Variants in TMC1 observed in about 807,000 individuals in gnomAD.
TMC1 encodes transmembrane channel-like protein 1.
In TMC1, 84 loss-of-function variants were observed where a neutral mutation model predicts 105.8. The observed-to-expected ratio is 0.79, with a 90% confidence interval of 0.67 to 0.95. The LOEUF (loss-of-function observed/expected upper bound fraction) is 0.95. Among genes scored for constraint, TMC1 ranks in the 40% least tolerant of loss-of-function variants. The probability of loss-of-function intolerance (pLI) is 0.00; values close to 1 mark genes in which losing one functional copy is unlikely to be tolerated. For missense variants in TMC1, 817 were observed against 914.1 expected (o/e 0.89, Z 1.37); for synonymous variants, 315 against 311.5 (o/e 1.01, Z -0.12).
At chr9:72,561,384 C>T (rs1245368059) in intron 1 of TMC1, among the ~76,000 whole-genome samples, 1 of 146,462 alleles carries the variant, frequency 6.8e-6, no homozygotes, top group Non-Finnish European at 1.5e-5. Context: ...TTCTATTATT[C>T]TTCTCTGATC....
At chr9:72,596,955 T>G (rs190821896) in intron 2 of TMC1, among the ~76,000 whole-genome samples, 178 of 152,278 alleles carry the variant, frequency 1.2e-3, no homozygotes, top group African/African-American at 4.0e-3. Flanking sequence ...CCTACCTCAT[T>G]TTGTGATGGT....
intron 20 of TMC1, 42 bp from the exon 21 acceptor site, chr9:72,826,827 A>G: frequency 6.2e-7 from 1 of 1,609,016 alleles, no homozygotes; most frequent in Non-Finnish European, 8.5e-7. Flanking sequence ...GTTTTTCCAT[A>G]TGTTCTTAAT....
Position 72,826,981 on chromosome 9 carries a change from A to T in TMC1, c.2116A>T (p.Ile706Phe). Reference sequence around the variant, plus strand: ...AAACCCTGGGCTGGTCATTGCTGTCATTTTGGTGATGGTGTATGTGCTTTT... The same window carrying T: ...AAACCCTGGGCTGGTCATTGCTGTCTTTTTGGTGATGGTGTATGTGCTTTT... ...LSNPGLVIAV[I>F]LVMVLAIYYL... The change falls in exon 21 of 24, where the codon ATT becomes TTT. Residue 706 changes from isoleucine (I) to phenylalanine (F), a missense_variant. Coordinates refer to ENST00000297784, the MANE Select transcript of TMC1 (RefSeq NM_138691.3). The T allele has an allele frequency of 1.2e-6, 2 of 1,614,016 alleles. No homozygotes were observed. Among genetic ancestry groups the T allele is most frequent in the Non-Finnish European group, 1.7e-6 (2 of 1,179,920 alleles).
In TMC1 at chr9:72,627,912, A is replaced by G; in HGVS notation, c.-195-9A>G. ...ATCTGTATTGGATTTTTTTTTTTTC[A>G]TATTTTAGGATGCCAGAAGCCTCAA... is the stretch of plus-strand genomic sequence containing the variant. On this transcript the variant is annotated splice_polypyrimidine_tract_variant and intron_variant, in intron 3 of 23. Coordinates refer to ENST00000297784, the MANE Select transcript of TMC1 (RefSeq NM_138691.3). The G allele has an allele frequency of 5.3e-6, 2 of 376,738 alleles. No individual in the cohort carries two copies. The highest frequency in any genetic ancestry group is 3.8e-5 in the South Asian group (2 of 52,896). The allele number at this position is 376,738 out of a possible 1,614,324, so 23.3% of individuals were successfully genotyped here.
At chr9:72,657,619 C>T (rs1052127290) in intron 5 of TMC1, among the ~76,000 whole-genome samples, 1 of 152,042 alleles carries the variant, frequency 6.6e-6, no homozygotes, top group Non-Finnish European at 1.5e-5. Flanking sequence ...TTTTTAGTAT[C>T]TGAGTTCCAT....
chr9:72,749,482 C>T (rs571325547), intron 10 of TMC1, among the ~76,000 whole-genome samples: 1 of 152,184 alleles, frequency 6.6e-6, no homozygotes, highest in South Asian at 2.1e-4. Context: ...ATGTAGATAA[C>T]GGCCATGAAA....
intron 10 of TMC1, among the ~76,000 whole-genome samples, chr9:72,747,414 T>C (rs1172820097): frequency 6.6e-6 from 1 of 152,186 alleles, no homozygotes; most frequent in African/African-American, 2.4e-5. Context: ...CAAGAGGAAA[T>C]GATGTGTTAT....
At chr9:72,574,290 A>G (rs907319527) in intron 1 of TMC1, among the ~76,000 whole-genome samples, 2 of 152,236 alleles carry the variant, frequency 1.3e-5, no homozygotes, top group African/African-American at 2.4e-5. Flanking sequence ...AGATGGTTAA[A>G]GAACACAAAT....
intron 2 of TMC1, among the ~76,000 whole-genome samples, chr9:72,603,685 G>A (rs2132114052): frequency 6.6e-6 from 1 of 151,936 alleles, no homozygotes; most frequent in African/African-American, 2.4e-5. Context: ...GAGTAGCTGG[G>A]ATTACAGGCC....
Position 72,549,198 on chromosome 9 carries a change from GGTA to G in TMC1, c.-428+27286_-428+27288del, listed in dbSNP as rs1343280170. Among the ~76,000 whole-genome samples, 3 of 152,274 alleles carry G rather than the reference GGTA, an allele frequency of 2.0e-5. No individual in the cohort carries two copies. In the East Asian group the frequency reaches 5.8e-4, roughly 29 times the overall value. On this transcript the variant is annotated intron_variant, in intron 1 of 23. Transcript: ENST00000297784. Reference sequence around the variant, plus strand: ...TGTACACTCATGTATTCCTATCAAAGGTAATCATCAGACATTATATTTCATTAA... The same window carrying G: ...TGTACACTCATGTATTCCTATCAAAGATCATCAGACATTATATTTCATTAA...
At chr9:72,815,868 C>T (rs867630753) in intron 18 of TMC1, among the ~76,000 whole-genome samples, 2 of 152,044 alleles carry the variant, frequency 1.3e-5, no homozygotes, top group Non-Finnish European at 2.9e-5. Context: ...AAGGTTGCTA[C>T]AGTTTTTACT....
intron 1 of TMC1, among the ~76,000 whole-genome samples, chr9:72,538,397 GTATT>G: frequency 8.5e-6 from 1 of 117,390 alleles, no homozygotes; most frequent in African/African-American, 3.6e-5. Context: ...TAAAATACTT[GTATT>G]GTATTGTATT....
chr9:72,538,736 C>G (rs1823628253), intron 1 of TMC1, among the ~76,000 whole-genome samples: 1 of 152,168 alleles, frequency 6.6e-6, no homozygotes, highest in South Asian at 2.1e-4. Context: ...GCATGAGCCA[C>G]CACACCTGGA....
intron 13 of TMC1, among the ~76,000 whole-genome samples, chr9:72,779,314 G>GA (rs1157927180): frequency 1.3e-5 from 2 of 152,164 alleles, no homozygotes; most frequent in Non-Finnish European, 2.9e-5. Context: ...ACACAGATGA[G>GA]AAAAAACCAG....
intron 8 of TMC1, among the ~76,000 whole-genome samples, chr9:72,718,735 A>T (rs1010905608): frequency 6.6e-6 from 1 of 151,968 alleles, no homozygotes; most frequent in Admixed American, 6.6e-5. Context: ...AGTATAGGGG[A>T]GGATCAGGTG....
Position 72,558,041 on chromosome 9 carries a change from GGCA to G in TMC1, c.-427-19858_-427-19856del, listed in dbSNP as rs1477321374. On this transcript the variant is annotated intron_variant, in intron 1 of 23. Transcript: ENST00000297784. ...AAAGAGGCTTCCCTGGCACTGTAAGGGCAGCCAGGAATAAAATAAAAATGCTTC... is the reference window on the plus strand; with the variant it reads ...AAAGAGGCTTCCCTGGCACTGTAAGGGCCAGGAATAAAATAAAAATGCTTC... Among the ~76,000 whole-genome samples the G allele has an allele frequency of 2.6e-5, 4 of 152,042 alleles. No homozygotes were observed. In the East Asian group the frequency reaches 7.7e-4, roughly 29 times the overall value.
At chr9:72,666,235 A>G (rs1336890407) in intron 5 of TMC1, among the ~76,000 whole-genome samples, 3 of 151,904 alleles carry the variant, frequency 2.0e-5, no homozygotes, top group Non-Finnish European at 4.4e-5. Flanking sequence ...GCACTACATA[A>G]CAAGACCTTG....
chr9:72,704,951 T>A (rs1301195628), intron 8 of TMC1, among the ~76,000 whole-genome samples: 2 of 148,722 alleles, frequency 1.3e-5, no homozygotes, highest in East Asian at 2.0e-4. Context: ...GTGTAGGGAG[T>A]TGGAGGGGGG....
chr9:72,525,348 C>T (rs1564389539), intron 1 of TMC1, among the ~76,000 whole-genome samples: 2 of 152,166 alleles, frequency 1.3e-5, no homozygotes, highest in Admixed American at 1.3e-4. Flanking sequence ...TGCTCTTTGT[C>T]CTCCACAGCA....
Sources: gnomAD v4.1 joint callset for allele counts (sites outside exome capture counted in the v4.1 genomes callset) on GRCh38, gnomAD v4.1.1 for gene constraint, MANE v1.5 for transcripts, NCBI Gene and HGNC (gene_info 2026-07-23, HGNC 2026-07-21) for gene names.